The following LRRC45 variants were observed in gnomAD, a reference collection of about 807,000 sequenced individuals.
LRRC45 encodes leucine rich repeat containing 45, also known as leucine-rich repeat-containing protein 45.
In LRRC45, 73 loss-of-function variants were observed where a neutral mutation model predicts 85.4. The observed-to-expected ratio is 0.85, with a 90% CI of 0.71 to 1.04. LRRC45 has a LOEUF of 1.04. Ranked by LOEUF, LRRC45 falls within the 50% of genes least tolerant of loss-of-function variation. LRRC45 has a pLI of 0.00. For synonymous variants in LRRC45, 429 were observed against 386.0 expected (o/e 1.11, Z -1.31); for missense variants, 937 against 883.3 (o/e 1.06, Z -0.77).
intron 6 of LRRC45, 101 bp downstream of exon 6, chr17:82,027,112 T>C: frequency 9.1e-7 from 1 of 1,094,052 alleles, no homozygotes; most frequent in Non-Finnish European, 1.3e-6. Context: ...CTTCCCTTCC[T>C]CGGGGCCCTG....
At chr17:82,026,564 TTGTGTGTGTG>T (rs550616399) in intron 5 of LRRC45, among the ~76,000 whole-genome samples, 12 of 137,466 alleles carry the variant, frequency 8.7e-5, no homozygotes, top group African/African-American at 2.7e-4. Context: ...CACAGCTCCT[TTGTGTGTGTG>T]TGTGTGTGTG....
chr17:82,028,018 A>ATT lies in LRRC45; in HGVS notation c.920_921insTT (p.Met307IlefsTer2). ...TGCCCCTCCTTTCTGCAGGCTGCAG[A>ATT]TGACAGAGGCCGCCCTGGCTCTGTC... On this transcript the variant is annotated frameshift_variant, in exon 9 of 17. Coordinates refer to ENST00000306688, the MANE Select transcript of LRRC45 (RefSeq NM_144999.4). LOFTEE classifies it high-confidence loss of function. 1 of 1,602,878 alleles carries ATT rather than the reference A, an allele frequency of 6.2e-7. No individual in the cohort carries two copies. Among genetic ancestry groups the ATT allele is most frequent in the Non-Finnish European group, 8.5e-7 (1 of 1,175,916 alleles).
intron 5 of LRRC45, among the ~76,000 whole-genome samples, chr17:82,026,347 C>A (rs992348669): frequency 6.6e-6 from 1 of 152,230 alleles, no homozygotes; most frequent in Non-Finnish European, 1.5e-5. Flanking sequence ...ACCTCTGCCC[C>A]ACATGTGCAC....
chr17:82,028,139 A>G lies in LRRC45; in HGVS notation c.1040A>G (p.Glu347Gly). 6.4e-7 allele frequency: 1 copy of G among 1,566,548 alleles called. No homozygotes were observed. The highest frequency in any genetic ancestry group is 2.3e-5 in the East Asian group (1 of 42,612). ...SQRQAKELKLEQQEAAERESK... is the reference protein window; with the variant it reads ...SQRQAKELKLGQQEAAERESK... ...AGGCAGGCCAAGGAGCTCAAGCTGGAGCAGCAGGTGGGTGGGCAGGGCTTG... is the reference window on the plus strand; with the variant it reads ...AGGCAGGCCAAGGAGCTCAAGCTGGGGCAGCAGGTGGGTGGGCAGGGCTTG... The change falls in exon 9 of 17, where the codon GAG becomes GGG. Residue 347 changes from glutamate (E) to glycine (G), a missense_variant. Coordinates refer to ENST00000306688, the MANE Select transcript of LRRC45 (RefSeq NM_144999.4).
chr17:82,023,358 G>A lies in LRRC45; in HGVS notation c.-286G>A, dbSNP rs1224826091. 4 of 479,808 alleles carry A rather than the reference G, an allele frequency of 8.3e-6. No individual in the cohort carries two copies. The highest frequency in any genetic ancestry group is 3.6e-5 in the East Asian group (1 of 27,494). 29.7% of individuals were successfully genotyped at this position (479,808 alleles called of 1,614,324 possible). ...CGGCTGTCGCGAGGGCGGGGGTCGG[G>A]GCTGCAGGCGGGGCAGGGCTGGGTG... On this transcript the variant is annotated 5_prime_UTR_variant, in exon 1 of 17. Coordinates refer to ENST00000306688, the MANE Select transcript of LRRC45 (RefSeq NM_144999.4).
rs776345611 is a variant in LRRC45, at chr17:82,030,822, C to A, written c.*17C>A. The A allele has an allele frequency of 1.5e-6, 2 of 1,331,392 alleles. No individual in the cohort carries two copies. The highest frequency in any genetic ancestry group is 1.9e-6 in the Non-Finnish European group (2 of 1,028,362). 82.5% of individuals were successfully genotyped at this position (1,331,392 alleles called of 1,614,324 possible). The stretch of plus-strand genomic sequence containing the variant: ...CCAAAGTGAGACAGGCCGGGAGGAC[C>A]CGGGCGCAGTAGGAGTGCATCAGGC... On this transcript the variant is annotated 3_prime_UTR_variant, in exon 17 of 17. Transcript: ENST00000306688.
At chr17:82,027,901 G>A (rs754681459) in intron 8 of LRRC45, 110 bp from the exon 9 acceptor site, 118 of 1,516,970 alleles carry the variant, frequency 7.8e-5, no homozygotes, top group Non-Finnish European at 9.9e-5. Flanking sequence ...TGGAGGAGGC[G>A]GGTGCTGGCT....
At position 82,026,988 on chromosome 17, in the gene LRRC45, C is replaced by G. The variant is rs779138112; in HGVS notation, c.751C>G (p.Leu251Val). The change falls in exon 6 of 17, where the codon CTC becomes GTC. Residue 251 changes from leucine to valine, a missense_variant. Coordinates refer to ENST00000306688, the MANE Select transcript of LRRC45 (RefSeq NM_144999.4). The part of the protein sequence containing the change: ...THVLSKEVQH[L>V]REEKSKQFLD... ...CGTCCTCAGCAAGGAGGTCCAGCAC[C>G]TCCGGGAGGAGAAGTCCAAGCAGGT... is the stretch of plus-strand genomic sequence containing the variant. 1 of 1,603,598 alleles carries G rather than the reference C, an allele frequency of 6.2e-7. No individual in the cohort carries two copies. Among genetic ancestry groups the G allele is most frequent in the African/African-American group, 1.3e-5 (1 of 74,904 alleles).
At chr17:82,025,229 C>T (rs2043358219) in intron 4 of LRRC45, 51 bp downstream of exon 4, 1 of 1,547,146 alleles carries the variant, frequency 6.5e-7, no homozygotes, top group Non-Finnish European at 8.7e-7. Context: ...GAGGCTGCCT[C>T]TGCTCTGGGA....
At position 82,026,908 on chromosome 17, in the gene LRRC45, T is replaced by C. The variant is rs2043372776; in HGVS notation, c.671T>C (p.Met224Thr). ...GDVLRAVEQA[M>T]GHSQDRLTTF... ...ACAGCTCCTTCTGCAGAGCAAGCCA[T>C]GGGCCACAGCCAGGACCGGCTCACC... Residue 224 changes from methionine (M) to threonine (T), a missense_variant, in exon 6 of 17, where the codon ATG (methionine) becomes ACG (threonine). By Grantham distance (81) the Met-to-Thr change is moderately conservative. Coordinates refer to ENST00000306688, the MANE Select transcript of LRRC45 (RefSeq NM_144999.4). 1.9e-6 allele frequency: 3 copies of C among 1,603,982 alleles called. No individual in the cohort carries two copies. The highest frequency in any genetic ancestry group is 2.5e-6 in the Non-Finnish European group (3 of 1,177,748).
At chr17:82,029,873 G>A (rs904337622) in intron 14 of LRRC45, among the ~76,000 whole-genome samples, 192 bp from the exon 15 acceptor site, 22 of 152,344 alleles carry the variant, frequency 1.4e-4, no homozygotes, top group African/African-American at 5.3e-4. Context: ...TGGGAGGGGT[G>A]GTGTGACCGA....
At chr17:82,027,147 A>T (rs2043375183) in intron 6 of LRRC45, 136 bp downstream of exon 6, 2 of 899,732 alleles carry the variant, frequency 2.2e-6, no homozygotes, top group African/African-American at 3.3e-5. Context: ...GGCTGGTACC[A>T]GGAAGGAGGG....
chr17:82,023,816 C>G lies in LRRC45; in HGVS notation c.173C>G (p.Thr58Arg), dbSNP rs1335289032. The G allele has an allele frequency of 1.0e-5, 16 of 1,569,936 alleles. No homozygotes were observed. The East Asian group carries it at 3.7e-4, about 37-fold the overall frequency. Reference sequence around the variant, plus strand: ...CTGGGCAAGCTGCTGCCGAGGGAGACGCTGTGCACGGAGCTGGTCCTGAGT... The same window carrying G: ...CTGGGCAAGCTGCTGCCGAGGGAGAGGCTGTGCACGGAGCTGGTCCTGAGT... The part of the protein sequence containing the change: ...RALGKLLPRE[T>R]LCTELVLSDC... Residue 58 changes from threonine to arginine, a missense_variant, in exon 1 of 17, where the codon ACG becomes AGG. Transcript: ENST00000306688.
Position 82,023,320 on chromosome 17 carries a change from T to C in LRRC45, c.-324T>C, listed in dbSNP as rs910960785. On this transcript the variant is annotated 5_prime_UTR_variant, in exon 1 of 17. Coordinates refer to ENST00000306688, the MANE Select transcript of LRRC45 (RefSeq NM_144999.4). The stretch of plus-strand genomic sequence containing the variant: ...GGCGCGCCTTGTTCTTCCTGGATAC[T>C]GAGGCCCCGACGCGGCTGTCGCGAG... 4.6e-5 allele frequency: 21 copies of C among 451,878 alleles called. No homozygotes were observed. Among genetic ancestry groups the C allele is most frequent in the South Asian group, 9.9e-5 (3 of 30,286 alleles). 28.0% of individuals were successfully genotyped at this position (451,878 alleles called of 1,614,324 possible).
chr17:82,025,563 C>T (rs2043361517), intron 5 of LRRC45, 56 bp downstream of exon 5: 4 of 1,464,190 alleles, frequency 2.7e-6, no homozygotes, highest in Non-Finnish European at 3.6e-6. Flanking sequence ...GGCCTGTCCA[C>T]CGAGGGCGGG....
chr17:82,029,703 C>A, intron 14 of LRRC45, 68 bp downstream of exon 14: 1 of 1,445,170 alleles, frequency 6.9e-7, no homozygotes, highest in Non-Finnish European at 9.5e-7. Context: ...CGCATGCAGA[C>A]TCCAGAGCTT....
intron 14 of LRRC45, 27 bp downstream of exon 14, chr17:82,029,662 C>G (rs759257336): frequency 6.5e-7 from 1 of 1,549,602 alleles, no homozygotes; most frequent in Non-Finnish European, 8.7e-7. Flanking sequence ...CGCCACCCTC[C>G]GGGGGAGCCA....
chr17:82,025,331 C>G, intron 4 of LRRC45, 48 bp from the exon 5 acceptor site: 8 of 1,538,074 alleles, frequency 5.2e-6, no homozygotes, highest in Non-Finnish European at 7.0e-6. Context: ...AGGCCAGCTC[C>G]CCCTCTGCCA....
At position 82,028,436 on chromosome 17, in the gene LRRC45, C is replaced by T. The variant is rs141938156; in HGVS notation, c.1165C>T (p.Gln389Ter). 5.6e-5 allele frequency: 91 copies of T among 1,612,636 alleles called. No homozygotes were observed. Among genetic ancestry groups the T allele is most frequent in the Non-Finnish European group, 7.2e-5 (85 of 1,179,982 alleles). Residue 389 changes from glutamine (Q) to a stop codon, truncating the protein, a stop_gained, in exon 11 of 17, where the codon CAG becomes TAG. Transcript: ENST00000306688. LOFTEE classifies it high-confidence loss of function. The part of the protein sequence containing the change: ...LERKFRCQQE[Q>*]LFQTRQEMTS... ...GCGGAAGTTCAGGTGTCAGCAGGAG[C>T]AGCTGTTCCAGACCAGGCAGGAGAT...
Sources: allele counts gnomAD v4.1 joint callset (sites outside exome capture counted in the v4.1 genomes callset), GRCh38; gene constraint gnomAD v4.1.1; transcripts MANE v1.5; gene names NCBI Gene and HGNC (gene_info 2026-07-23, HGNC 2026-07-21).